NUBPL: variants seen among roughly 807,000 people sequenced by gnomAD.
NUBPL encodes the protein NUBP iron-sulfur cluster assembly factor, mitochondrial.
Under a neutral mutation model 45.7 loss-of-function variants are expected in NUBPL, and 31 were observed. The observed-to-expected ratio is 0.68, with a 90% CI of 0.51 to 0.92. The LOEUF is 0.92. Ranked by LOEUF, NUBPL falls within the 40% of genes least tolerant of loss-of-function variation. The probability of loss-of-function intolerance (pLI) is 0.00; values close to 1 mark genes in which losing one functional copy is unlikely to be tolerated. For synonymous variants in NUBPL, 144 were observed against 140.9 expected (o/e 1.02, Z -0.15); for missense variants, 401 against 398.7 (o/e 1.01, Z -0.05).
intron 6 of NUBPL, among the ~76,000 whole-genome samples, chr14:31,700,946 G>A (rs968197957): frequency 1.3e-5 from 2 of 152,166 alleles, no homozygotes; most frequent in African/African-American, 2.4e-5. Context: ...TGCGCGGCGC[G>A]GGACTGGCGG....
chr14:31,638,850 G>A (rs545835764), intron 4 of NUBPL, among the ~76,000 whole-genome samples: 2 of 152,158 alleles, frequency 1.3e-5, no homozygotes, highest in East Asian at 3.9e-4. Flanking sequence ...TTCCATCACT[G>A]ATACCCTTTC....
intron 6 of NUBPL, among the ~76,000 whole-genome samples, chr14:31,702,686 T>G (rs1408637473): frequency 1.3e-5 from 2 of 152,240 alleles, no homozygotes. Context: ...GACTATAATA[T>G]TCTCCAGCCA....
intron 7 of NUBPL, among the ~76,000 whole-genome samples, chr14:31,808,503 T>C (rs1459669369): frequency 6.6e-6 from 1 of 152,196 alleles, no homozygotes; most frequent in Non-Finnish European, 1.5e-5. Context: ...GCTTATCAGC[T>C]TAAGGAGATT....
intron 3 of NUBPL, chr14:31,577,989 A>G: frequency 7.8e-7 from 1 of 1,288,902 alleles, no homozygotes; most frequent in Non-Finnish European, 1.0e-6. Flanking sequence ...ATCATCTGCC[A>G]CTATTGCCTG....
At chr14:31,788,181 AGAAAGGAGCAGGCTG>A (rs1163883546) in intron 7 of NUBPL, among the ~76,000 whole-genome samples, 2 of 152,238 alleles carry the variant, frequency 1.3e-5, no homozygotes, top group Non-Finnish European at 2.9e-5. Flanking sequence ...GTACATGCCA[AGAAAGGAGCAGGCTG>A]GAAAAACAGC....
At chr14:31,822,782 A>T (rs1416492976) in intron 7 of NUBPL, among the ~76,000 whole-genome samples, 1 of 152,178 alleles carries the variant, frequency 6.6e-6, no homozygotes, top group African/African-American at 2.4e-5. Flanking sequence ...ATTTGACAGG[A>T]CATGGAAGAT....
chr14:31,583,683 T>C (rs2033922036), intron 3 of NUBPL, among the ~76,000 whole-genome samples: 1 of 152,278 alleles, frequency 6.6e-6, no homozygotes, highest in Non-Finnish European at 1.5e-5. Flanking sequence ...TACTTTGCTG[T>C]TGTATGGAGA....
intron 6 of NUBPL, among the ~76,000 whole-genome samples, chr14:31,719,595 C>G (rs1458166626): frequency 6.6e-6 from 1 of 152,056 alleles, no homozygotes; most frequent in East Asian, 1.9e-4. Context: ...GTTTGTGAGA[C>G]AGTTGCAGGC....
chr14:31,774,715 A>T (rs2039068749), intron 6 of NUBPL, among the ~76,000 whole-genome samples: 1 of 152,238 alleles, frequency 6.6e-6, no homozygotes, highest in Admixed American at 6.5e-5. Flanking sequence ...TTTTGAGTGT[A>T]AAATGTAAAA....
intron 4 of NUBPL, among the ~76,000 whole-genome samples, chr14:31,637,396 G>A (rs1199627967): frequency 6.6e-6 from 1 of 152,200 alleles, no homozygotes; most frequent in African/African-American, 2.4e-5. Flanking sequence ...TAGTTGAGTG[G>A]TTTTGAGTGA....
At chr14:31,676,596 G>T (rs572817274) in intron 6 of NUBPL, among the ~76,000 whole-genome samples, 2 of 151,810 alleles carry the variant, frequency 1.3e-5, no homozygotes, top group African/African-American at 4.8e-5. Flanking sequence ...TGTCAGTCTC[G>T]TTACTTTTAA....
intron 7 of NUBPL, among the ~76,000 whole-genome samples, chr14:31,804,774 C>A (rs1387439360): frequency 6.6e-6 from 1 of 152,028 alleles, no homozygotes; most frequent in Non-Finnish European, 1.5e-5. Flanking sequence ...ACACCATATA[C>A]AAAAATCAAC....
intron 7 of NUBPL, among the ~76,000 whole-genome samples, chr14:31,808,645 C>A (rs1284333666): frequency 2.6e-5 from 4 of 152,156 alleles, no homozygotes. Context: ...GCCAGAACTT[C>A]CAACACTGTT....
At chr14:31,635,697 T>C (rs61995637) in intron 4 of NUBPL, among the ~76,000 whole-genome samples, 60,867 of 146,748 alleles carry the variant, frequency 0.41, 13,968 homozygotes, top group East Asian at 0.62. Context: ...GCGATTTTCA[T>C]GATATTGATT....
At position 31,693,700 on chromosome 14, in the gene NUBPL, A is replaced by G. The variant is rs190170251; in HGVS notation, c.513+20126A>G. ...ATCATCAGGTACTCTAGCAGGCCTCATATTTTAAAAATGCTTTAAACATTA... is the reference window on the plus strand; with the variant it reads ...ATCATCAGGTACTCTAGCAGGCCTCGTATTTTAAAAATGCTTTAAACATTA... On this transcript the variant is annotated intron_variant, in intron 6 of 10. Coordinates refer to ENST00000281081, the MANE Select transcript of NUBPL (RefSeq NM_025152.3). Among the ~76,000 whole-genome samples, 909 of 151,730 alleles carry G rather than the reference A, an allele frequency of 6.0e-3. 9 individuals carry two copies. The highest frequency in any genetic ancestry group is 0.021 in the African/African-American group (850 of 41,420).
intron 2 of NUBPL, among the ~76,000 whole-genome samples, 155 bp from the exon 3 acceptor site, chr14:31,564,859 G>C (rs919540052): frequency 6.6e-6 from 1 of 151,774 alleles, no homozygotes; most frequent in Admixed American, 6.6e-5. Flanking sequence ...TTACAAGTAA[G>C]GGATATATGT....
At chr14:31,826,495 T>C in intron 7 of NUBPL, 134 bp from the exon 8 acceptor site, 3 of 769,396 alleles carry the variant, frequency 3.9e-6, no homozygotes, top group Non-Finnish European at 6.7e-6. Flanking sequence ...TTCTCATTCA[T>C]GTGTGTAAAA....
intron 3 of NUBPL, among the ~76,000 whole-genome samples, chr14:31,594,953 G>T (rs1168493830): frequency 6.6e-6 from 1 of 152,084 alleles, no homozygotes; most frequent in Non-Finnish European, 1.5e-5. Context: ...GAAATAATTG[G>T]GTGGGAACGT....
At chr14:31,649,084 C>T (rs1372153246) in intron 4 of NUBPL, among the ~76,000 whole-genome samples, 1 of 152,174 alleles carries the variant, frequency 6.6e-6, no homozygotes, top group African/African-American at 2.4e-5. Context: ...CTGGGATTTA[C>T]AGGCATGAGC....
Sources: gnomAD v4.1 joint callset for allele counts (sites outside exome capture counted in the v4.1 genomes callset) on GRCh38, gnomAD v4.1.1 for gene constraint, MANE v1.5 for transcripts, NCBI Gene and HGNC (gene_info 2026-07-23, HGNC 2026-07-21) for gene names.